The following AXDND1 variants were observed in gnomAD, a reference collection of about 807,000 sequenced individuals.
AXDND1 encodes the protein axonemal dynein light chain domain-containing protein 1.
AXDND1 carries 110 observed loss-of-function variants against 137.5 expected under a neutral mutation model. The ratio of observed to expected loss-of-function variants is 0.80; its 90% CI spans 0.69 to 0.94. AXDND1 has a LOEUF of 0.94. Ranked by LOEUF, AXDND1 falls within the 40% of genes least tolerant of loss-of-function variation. AXDND1 has a pLI of 0.00. For synonymous variants in AXDND1, 414 were observed against 399.7 expected (o/e 1.04, Z -0.43); for missense variants, 1,191 against 1,169.8 (o/e 1.02, Z -0.26).
chr1:179,464,535 G>A (rs1662846507), intron 16 of AXDND1, among the ~76,000 whole-genome samples: 1 of 152,104 alleles, frequency 6.6e-6, no homozygotes, highest in South Asian at 2.1e-4. Context: ...TTTCTCTGTG[G>A]CTGCCCTTAA....
intron 15 of AXDND1, 26 bp from the exon 16 acceptor site, chr1:179,444,944 C>T: frequency 6.7e-7 from 1 of 1,499,206 alleles, no homozygotes; most frequent in Non-Finnish European, 9.2e-7. Flanking sequence ...TAATATGCTA[C>T]TCTCCCTCTT....
rs192620131 is a variant in AXDND1, at chr1:179,432,559, A to G, written c.1563+217A>G. Among the ~76,000 whole-genome samples the G allele has an allele frequency of 5.3e-3, 803 of 152,130 alleles. 9 individuals carry two copies. The highest frequency in any genetic ancestry group is 0.019 in the African/African-American group (779 of 41,498). The stretch of plus-strand genomic sequence containing the variant: ...TCCTGCCTCAGCCTCCCAAGTAGCT[A>G]GGATTACAGGCATGTGCCACCACGC... On this transcript the variant is annotated intron_variant, in intron 15 of 25. Transcript: ENST00000367618.
At chr1:179,417,307 TTTG>T (rs1654859146) in intron 12 of AXDND1, among the ~76,000 whole-genome samples, 1 of 152,104 alleles carries the variant, frequency 6.6e-6, no homozygotes, top group African/African-American at 2.4e-5. Flanking sequence ...TTCTCTTCAC[TTTG>T]TTGATTGTTT....
At chr1:179,402,533 A>G (rs1034019342) in intron 11 of AXDND1, among the ~76,000 whole-genome samples, 4 of 152,134 alleles carry the variant, frequency 2.6e-5, no homozygotes, top group Non-Finnish European at 4.4e-5. Context: ...TCTTGTTTGT[A>G]TACTTTCATA....
At chr1:179,419,361 C>T (rs1298598616) in intron 12 of AXDND1, among the ~76,000 whole-genome samples, 12 of 151,668 alleles carry the variant, frequency 7.9e-5, no homozygotes, top group South Asian at 2.1e-4. Context: ...TCTGCAATCC[C>T]GGCACCTCGG....
intron 18 of AXDND1, among the ~76,000 whole-genome samples, chr1:179,485,067 G>A (rs1050324510): frequency 3.3e-5 from 5 of 152,286 alleles, no homozygotes; most frequent in Non-Finnish European, 4.4e-5. Context: ...GCCAGCACTC[G>A]GCCCCCATGC....
intron 12 of AXDND1, among the ~76,000 whole-genome samples, chr1:179,411,904 G>A (rs1253361939): frequency 1.3e-5 from 2 of 151,578 alleles, no homozygotes; most frequent in Non-Finnish European, 2.9e-5. Context: ...GAGTATAGTG[G>A]TGAGTGGTGC....
chr1:179,493,890 T>C (rs1396220372), intron 20 of AXDND1, among the ~76,000 whole-genome samples: 2 of 152,188 alleles, frequency 1.3e-5, no homozygotes, highest in Admixed American at 1.3e-4. Context: ...TTTACACTCT[T>C]GCCAGCAGTA....
intron 20 of AXDND1, among the ~76,000 whole-genome samples, chr1:179,494,725 ATT>A (rs1226082202): frequency 3.3e-5 from 5 of 151,646 alleles, no homozygotes; most frequent in African/African-American, 1.2e-4. Flanking sequence ...TCAATCTCTG[ATT>A]TTTTTTCTTT....
At chr1:179,467,739 A>G (rs1663398487) in intron 16 of AXDND1, among the ~76,000 whole-genome samples, 1 of 152,220 alleles carries the variant, frequency 6.6e-6, no homozygotes, top group African/African-American at 2.4e-5. Flanking sequence ...ATCATTTTGA[A>G]TATTCCTAAA....
intron 16 of AXDND1, chr1:179,454,485 A>G (rs12403933): frequency 0.23 from 34,785 of 152,178 alleles, 4,015 homozygotes; most frequent in Admixed American, 0.26. Flanking sequence ...TACTACAGGA[A>G]TAAGTTGAGA....
Position 179,539,859 on chromosome 1 carries a change from C to T in AXDND1, c.3031+4897C>T, listed in dbSNP as rs181285276. Among the ~76,000 whole-genome samples, 80 of 152,168 alleles carry T rather than the reference C, an allele frequency of 5.3e-4. No homozygotes were observed. In the Middle Eastern group the frequency reaches 0.01, roughly 19 times the overall value. ...CGTAGATTCGGTCTTTTCACATAGT[C>T]CCATATTTCTTGGAGGCTTTGTTCA... On this transcript the variant is annotated intron_variant, in intron 25 of 25. Transcript: ENST00000367618.
At chr1:179,525,490 T>C (rs1281154166) in intron 22 of AXDND1, 43 bp downstream of exon 22, 1 of 1,507,774 alleles carries the variant, frequency 6.6e-7, no homozygotes. Context: ...CATACATACA[T>C]ACATACATAC....
At chr1:179,386,459 G>T (rs955046680) in intron 9 of AXDND1, among the ~76,000 whole-genome samples, 3 of 151,876 alleles carry the variant, frequency 2.0e-5, no homozygotes, top group Admixed American at 6.6e-5. Flanking sequence ...TTGGTCTGTG[G>T]CTTTATAGTT....
At chr1:179,524,369 T>G (rs1670347040) in intron 21 of AXDND1, among the ~76,000 whole-genome samples, 1 of 152,198 alleles carries the variant, frequency 6.6e-6, no homozygotes, top group Non-Finnish European at 1.5e-5. Flanking sequence ...CTTTCTTGGC[T>G]TTAATTAAAG....
intron 11 of AXDND1, among the ~76,000 whole-genome samples, chr1:179,406,958 C>T (rs1267897127): frequency 1.3e-5 from 2 of 151,908 alleles, no homozygotes; most frequent in East Asian, 3.9e-4. Context: ...TATTGTTTAT[C>T]ATTGCTGTTT....
chr1:179,552,428 A>G (rs373413798), intron 25 of AXDND1: 8 of 648,280 alleles, frequency 1.2e-5, no homozygotes, highest in African/African-American at 5.4e-5. Flanking sequence ...GAGGAGTTGC[A>G]TTAGTCAGGG....
chr1:179,534,872 C>T lies in AXDND1; in HGVS notation c.2941C>T (p.Gln981Ter), dbSNP rs1166235091. ...RKESKEEKEN[Q>*]DEREVKEEEE... ...GGAGTCTAAAGAAGAGAAAGAAAATCAAGATGAAAGAGAAGTAAAAGAAGA... is the reference window on the plus strand; with the variant it reads ...GGAGTCTAAAGAAGAGAAAGAAAATTAAGATGAAAGAGAAGTAAAAGAAGA... The change falls in exon 25 of 26, where the codon CAA becomes TAA. Residue 981 changes from glutamine (Q) to a stop codon, truncating the protein, a stop_gained. Coordinates refer to ENST00000367618, the MANE Select transcript of AXDND1 (RefSeq NM_144696.6). LOFTEE classifies it high-confidence loss of function. 18 of 1,608,202 alleles carry T rather than the reference C, an allele frequency of 1.1e-5. No homozygotes were observed. Among genetic ancestry groups the T allele is most frequent in the Non-Finnish European group, 1.5e-5 (18 of 1,178,432 alleles).
intron 13 of AXDND1, 34 bp from the exon 14 acceptor site, chr1:179,430,418 G>T (rs1203181327): frequency 2.0e-6 from 3 of 1,511,764 alleles, no homozygotes; most frequent in African/African-American, 2.8e-5. Flanking sequence ...ATACATAAAT[G>T]AATATATTAT....
Sources: allele counts gnomAD v4.1 joint callset (sites outside exome capture counted in the v4.1 genomes callset), GRCh38; gene constraint gnomAD v4.1.1; transcripts MANE v1.5; gene names NCBI Gene and HGNC (gene_info 2026-07-23, HGNC 2026-07-21).